Variants in LGR4 observed in about 807,000 individuals in gnomAD.
The protein encoded by LGR4 is leucine rich repeat containing G protein-coupled receptor 4, also known as leucine-rich repeat-containing G protein-coupled receptor 4.
LGR4 carries 44 observed loss-of-function variants against 84.8 expected under a neutral mutation model. The observed-to-expected ratio is 0.52, with a 90% CI of 0.41 to 0.67. The LOEUF (loss-of-function observed/expected upper bound fraction) is 0.67, where lower values mean the gene tolerates loss of function less well. Among genes scored for constraint, LGR4 ranks in the 30% least tolerant of loss-of-function variants. LGR4 has a pLI of 0.00. For missense variants in LGR4, 1,032 were observed against 1,131.4 expected (o/e 0.91, Z 1.26); for synonymous variants, 429 against 434.3 (o/e 0.99, Z 0.15).
At chr11:27,416,764 C>A (rs1246632245) in intron 1 of LGR4, among the ~76,000 whole-genome samples, 1 of 152,132 alleles carries the variant, frequency 6.6e-6, no homozygotes, top group Non-Finnish European at 1.5e-5. Context: ...AACATGAACT[C>A]CCAAATACCA....
chr11:27,456,153 G>T (rs1230933689), intron 1 of LGR4, among the ~76,000 whole-genome samples: 1 of 152,160 alleles, frequency 6.6e-6, no homozygotes, highest in Non-Finnish European at 1.5e-5. Context: ...TGACTGTTTA[G>T]CATGAGGCTG....
In LGR4 at chr11:27,377,175, G is replaced by A; in HGVS notation, c.1092C>T (p.Cys364=). The part of the protein sequence containing the change: ...NIRDLPSFNG[C]HALEEISLQR... ...CAACTCACATTTCTTCCAGAGCATG[G>A]CAACCATTAAAACTTGGAAGGTCTC... The change falls in exon 12 of 18, where the codon TGC becomes TGT. Residue 364 remains cysteine, a synonymous_variant. Coordinates refer to ENST00000379214, the MANE Select transcript of LGR4 (RefSeq NM_018490.5). 1 of 1,588,958 alleles carries A rather than the reference G, an allele frequency of 6.3e-7. No homozygotes were observed. The highest frequency in any genetic ancestry group is 8.6e-7 in the Non-Finnish European group (1 of 1,161,056).
Position 27,383,354 on chromosome 11 carries a change from G to A in LGR4, c.689+982C>T, listed in dbSNP as rs549806776. On this transcript the variant is annotated intron_variant, in intron 6 of 17. Transcript: ENST00000379214. ...TGGCAAATAAAAATTTAACTGGGAA[G>A]AGGTTTAATTTTAACATAATTGAAA... Among the ~76,000 whole-genome samples the A allele has an allele frequency of 2.0e-5, 3 of 152,268 alleles. No individual in the cohort carries two copies. In the South Asian group the frequency reaches 6.2e-4, roughly 32 times the overall value.
chr11:27,387,982 T>C (rs1285611863), intron 4 of LGR4, among the ~76,000 whole-genome samples: 1 of 152,176 alleles, frequency 6.6e-6, no homozygotes, highest in Non-Finnish European at 1.5e-5. Context: ...AACTTACTGC[T>C]AGAAAACTAG....
At chr11:27,373,848 T>C in intron 14 of LGR4, 127 bp downstream of exon 14, 8 of 994,838 alleles carry the variant, frequency 8.0e-6, no homozygotes, top group Non-Finnish European at 1.2e-5. Context: ...TTACTATAAA[T>C]ACAGCTTAGC....
intron 1 of LGR4, among the ~76,000 whole-genome samples, chr11:27,450,905 C>G (rs1283803903): frequency 2.6e-5 from 4 of 152,108 alleles, no homozygotes; most frequent in Non-Finnish European, 5.9e-5. Context: ...CTTCATAAAC[C>G]TTTCAATTTC....
intron 2 of LGR4, 60 bp downstream of exon 2, chr11:27,412,729 A>C (rs1863734130): frequency 2.0e-6 from 2 of 1,018,386 alleles, no homozygotes; most frequent in Admixed American, 3.4e-5. Flanking sequence ...CTGTAGCAAA[A>C]GCTTCCAAAA....
chr11:27,374,458 G>C (rs1862940142), intron 13 of LGR4, among the ~76,000 whole-genome samples: 1 of 152,134 alleles, frequency 6.6e-6, no homozygotes, highest in South Asian at 2.1e-4. Context: ...AAGGCCCCGA[G>C]AGAAGACAAA....
rs545402876 is a variant in LGR4, at chr11:27,461,548, G to T, written c.185+10570C>A. On this transcript the variant is annotated intron_variant, in intron 1 of 17. Transcript: ENST00000379214. ...AGCTTGTCCAACCCACAGCCCACAGGCCCCATGCAGCCTAGGATGGCTTTG... is the reference window on the plus strand; with the variant it reads ...AGCTTGTCCAACCCACAGCCCACAGTCCCCATGCAGCCTAGGATGGCTTTG... Among the ~76,000 whole-genome samples, 9 of 151,800 alleles carry T rather than the reference G, an allele frequency of 5.9e-5. No individual in the cohort carries two copies. In the East Asian group the frequency reaches 1.7e-3, roughly 29 times the overall value.
At chr11:27,428,287 C>T (rs7937183) in intron 1 of LGR4, among the ~76,000 whole-genome samples, 27,841 of 151,980 alleles carry the variant, frequency 0.18, 3,468 homozygotes, top group African/African-American at 0.35. Flanking sequence ...CAGGCATCCA[C>T]CACCACGTCT....
At chr11:27,382,312 A>G in intron 6 of LGR4, 56 bp from the exon 7 acceptor site, 1 of 1,159,930 alleles carries the variant, frequency 8.6e-7, no homozygotes, top group Non-Finnish European at 1.3e-6. Flanking sequence ...CATAATTCAT[A>G]AGGCATTTTG....
At chr11:27,385,674 T>C (rs1863174550) in intron 4 of LGR4, 1 of 403,946 alleles carries the variant, frequency 2.5e-6, no homozygotes, top group African/African-American at 2.1e-5. Context: ...TTCATAAGAA[T>C]GGCATGTATC....
chr11:27,461,534 C>T (rs1472573191), intron 1 of LGR4, among the ~76,000 whole-genome samples: 2 of 152,162 alleles, frequency 1.3e-5, no homozygotes, highest in Admixed American at 6.5e-5. Flanking sequence ...GCTTGTCCAA[C>T]CCACAGCCCA....
chr11:27,455,684 T>C (rs1864562143), intron 1 of LGR4, among the ~76,000 whole-genome samples: 1 of 152,172 alleles, frequency 6.6e-6, no homozygotes, highest in Non-Finnish European at 1.5e-5. Context: ...CCCATCTACA[T>C]AATGAGAAGT....
rs538286033 is a variant in LGR4, at chr11:27,439,982, T to C, written c.186-27122A>G. On this transcript the variant is annotated intron_variant, in intron 1 of 17. Transcript: ENST00000379214. ...GTGCAGTGGCACGATCTCAGCTCAC[T>C]GCAACCTCCGCCTCTCAGGTTCAAG... 1.3e-4 allele frequency among the ~76,000 whole-genome samples: 19 copies of C among 147,468 alleles called. No individual in the cohort carries two copies. The East Asian group carries it at 4.0e-3, about 31-fold the overall frequency.
intron 1 of LGR4, among the ~76,000 whole-genome samples, chr11:27,463,119 G>A (rs947999601): frequency 6.6e-6 from 1 of 150,720 alleles, no homozygotes; most frequent in Admixed American, 6.6e-5. Flanking sequence ...AGGCATGGTG[G>A]CACTCACCTG....
intron 1 of LGR4, among the ~76,000 whole-genome samples, chr11:27,436,266 C>T (rs764915913): frequency 3.4e-4 from 52 of 151,624 alleles, no homozygotes; most frequent in Non-Finnish European, 6.2e-4. Context: ...TCTGAATACC[C>T]AGACAATCTT....
At chr11:27,462,712 G>A (rs769888081) in intron 1 of LGR4, among the ~76,000 whole-genome samples, 2 of 152,044 alleles carry the variant, frequency 1.3e-5, no homozygotes, top group African/African-American at 4.8e-5. Flanking sequence ...ACTCAAAAAA[G>A]TCATGCTGAA....
intron 1 of LGR4, among the ~76,000 whole-genome samples, chr11:27,458,602 G>A (rs545671610): frequency 7.9e-4 from 119 of 151,528 alleles, no homozygotes; most frequent in Non-Finnish European, 1.4e-3. Flanking sequence ...GCAATGGCAC[G>A]ATCTCAGCTT....
Sources: allele counts gnomAD v4.1 joint callset (sites outside exome capture counted in the v4.1 genomes callset), GRCh38; gene constraint gnomAD v4.1.1; transcripts MANE v1.5; gene names NCBI Gene and HGNC (gene_info 2026-07-23, HGNC 2026-07-21).